The following ADGRL3 variants were observed in gnomAD, a reference collection of about 807,000 sequenced individuals.
The protein encoded by ADGRL3 is calcium-independent alpha-latrotoxin receptor 3.
ADGRL3 carries 62 observed loss-of-function variants against 153.5 expected under a neutral mutation model. The observed-to-expected ratio is 0.40, with a 90% confidence interval of 0.33 to 0.50. ADGRL3 has a LOEUF of 0.50. Ranked by LOEUF, ADGRL3 falls within the 20% of genes least tolerant of loss-of-function variation. The probability of loss-of-function intolerance (pLI) is 0.47; values close to 1 mark genes in which losing one functional copy is unlikely to be tolerated. For synonymous variants in ADGRL3, 710 were observed against 672.5 expected, an observed-to-expected ratio of 1.06 and a Z score of -0.86; for missense variants, 1,641 against 1,859.4, an observed-to-expected ratio of 0.88 and a Z score of 2.16.
chr4:61,878,284 A>G (rs959921162), intron 9 of ADGRL3, among the ~76,000 whole-genome samples: 4 of 152,172 alleles, frequency 2.6e-5, no homozygotes, highest in Non-Finnish European at 5.9e-5. Flanking sequence ...CACATTCTGA[A>G]GTACTCAAGA....
chr4:61,417,066 G>A (rs2097151860), intron 2 of ADGRL3, among the ~76,000 whole-genome samples: 1 of 152,066 alleles, frequency 6.6e-6, no homozygotes, highest in Non-Finnish European at 1.5e-5. Flanking sequence ...TAATGCCACT[G>A]CTGATCTGAC....
At chr4:61,700,427 A>C (rs1337539378) in intron 6 of ADGRL3, among the ~76,000 whole-genome samples, 1 of 152,186 alleles carries the variant, frequency 6.6e-6, no homozygotes, top group Non-Finnish European at 1.5e-5. Flanking sequence ...AGAAGACAAA[A>C]GTATTACAAA....
At chr4:61,894,544 GC>G (rs2098613508) in intron 10 of ADGRL3, among the ~76,000 whole-genome samples, 1 of 152,006 alleles carries the variant, frequency 6.6e-6, no homozygotes, top group Non-Finnish European at 1.5e-5. Flanking sequence ...AATAATAATA[GC>G]CCCTTACTGC....
chr4:61,896,723 A>G (rs1355478197), intron 11 of ADGRL3, among the ~76,000 whole-genome samples: 1 of 152,078 alleles, frequency 6.6e-6, no homozygotes, highest in Non-Finnish European at 1.5e-5. Flanking sequence ...GACTCTAGTT[A>G]CCCTCTTACA....
intron 1 of ADGRL3, among the ~76,000 whole-genome samples, chr4:61,232,732 T>C (rs1475168858): frequency 6.6e-6 from 1 of 152,166 alleles, no homozygotes; most frequent in Non-Finnish European, 1.5e-5. Flanking sequence ...GTAAGACATG[T>C]AAACCATTTA....
intron 2 of ADGRL3, among the ~76,000 whole-genome samples, chr4:61,424,008 T>C (rs536322844): frequency 1.2e-4 from 18 of 152,130 alleles, no homozygotes; most frequent in Non-Finnish European, 2.2e-4. Context: ...AATAGGACAA[T>C]GTGACTGTCA....
At chr4:61,308,617 G>C (rs2094888917) in intron 1 of ADGRL3, among the ~76,000 whole-genome samples, 1 of 152,096 alleles carries the variant, frequency 6.6e-6, no homozygotes, top group South Asian at 2.1e-4. Context: ...ATTAGTAAAG[G>C]CATCAGTCAG....
chr4:61,212,311 TACTC>T (rs1473184123), intron 1 of ADGRL3: 1 of 152,256 alleles, frequency 6.6e-6, no homozygotes, highest in Non-Finnish European at 1.5e-5. Context: ...ACTTGCTGTG[TACTC>T]ACTCATTATA....
At chr4:62,063,165 T>G (rs1015722872) in intron 25 of ADGRL3, among the ~76,000 whole-genome samples, 8 of 152,096 alleles carry the variant, frequency 5.3e-5, no homozygotes, top group Admixed American at 2.6e-4. Context: ...TTTTGTGTTT[T>G]GTTTGTATGA....
At chr4:61,956,372 T>C (rs547078140) in intron 17 of ADGRL3, among the ~76,000 whole-genome samples, 1 of 152,316 alleles carries the variant, frequency 6.6e-6, no homozygotes, top group Non-Finnish European at 1.5e-5. Flanking sequence ...TACCCACTTT[T>C]GGATGGGGTT....
At chr4:61,263,794 A>G (rs773303694) in intron 1 of ADGRL3, among the ~76,000 whole-genome samples, 25 of 152,014 alleles carry the variant, frequency 1.6e-4, no homozygotes, top group Non-Finnish European at 3.2e-4. Context: ...AGCAACACCC[A>G]TACCATAAAG....
At chr4:61,310,766 T>C (rs1049484225) in intron 1 of ADGRL3, among the ~76,000 whole-genome samples, 37 of 151,944 alleles carry the variant, frequency 2.4e-4, no homozygotes, top group Admixed American at 7.9e-4. Flanking sequence ...TTGTTCCCTT[T>C]CCTTTCATCT....
chr4:62,037,615 C>A, intron 23 of ADGRL3, 116 bp from the exon 24 acceptor site: 1 of 1,099,046 alleles, frequency 9.1e-7, no homozygotes, highest in Non-Finnish European at 1.4e-6. Context: ...TTTCTTACAT[C>A]TGTAGGGCAA....
intron 5 of ADGRL3, among the ~76,000 whole-genome samples, chr4:61,672,798 A>G (rs1320254883): frequency 6.6e-5 from 10 of 152,042 alleles, no homozygotes; most frequent in Admixed American, 5.2e-4. Context: ...GAACTACCAT[A>G]TGTTCCAGTA....
At chr4:62,068,907 T>A (rs980184812) in intron 26 of ADGRL3, among the ~76,000 whole-genome samples, 1 of 152,092 alleles carries the variant, frequency 6.6e-6, no homozygotes, top group African/African-American at 2.4e-5. Flanking sequence ...AATGAACTAG[T>A]TGAGTTTTGA....
At chr4:61,913,418 G>A (rs1425677359) in intron 13 of ADGRL3, among the ~76,000 whole-genome samples, 6 of 152,028 alleles carry the variant, frequency 3.9e-5, no homozygotes, top group Admixed American at 1.3e-4. Context: ...TATAAGAAAT[G>A]AAGGAAAGAA....
rs190946650 is a variant in ADGRL3, at chr4:61,847,779, C to T, written c.1480+33890C>T. Among the ~76,000 whole-genome samples, 29 of 21,958 alleles carry T rather than the reference C, an allele frequency of 1.3e-3. 1 individual carries two copies. Among genetic ancestry groups the T allele is most frequent in the South Asian group, 2.3e-3 (2 of 876 alleles). The allele number at this position is 21,958 out of a possible 152,430, so 14.4% of individuals were successfully genotyped here. On this transcript the variant is annotated intron_variant, in intron 9 of 26. Transcript: ENST00000683033. ...TATAATACAAAATATATATATAATA[C>T]AAAATATATTATATATATAATATAA...
intron 1 of ADGRL3, among the ~76,000 whole-genome samples, chr4:61,245,835 A>G (rs1461747761): frequency 1.3e-5 from 2 of 152,090 alleles, no homozygotes; most frequent in Non-Finnish European, 2.9e-5. Flanking sequence ...AGTTCACATG[A>G]TAATCTAGGT....
chr4:61,582,970 T>A (rs2149305055), intron 4 of ADGRL3, among the ~76,000 whole-genome samples: 1 of 152,200 alleles, frequency 6.6e-6, no homozygotes, highest in Middle Eastern at 3.4e-3. Flanking sequence ...TACTCCTGAA[T>A]TCTAGACTCG....
Sources: gnomAD v4.1 joint callset for allele counts (sites outside exome capture counted in the v4.1 genomes callset) on GRCh38, gnomAD v4.1.1 for gene constraint, MANE v1.5 for transcripts, NCBI Gene and HGNC (gene_info 2026-07-23, HGNC 2026-07-21) for gene names.